The following STXBP4 variants were observed in gnomAD, a reference collection of about 807,000 sequenced individuals.
STXBP4 encodes syntaxin-binding protein 4.
Under a neutral mutation model 76.1 loss-of-function variants are expected in STXBP4, and 55 were observed. The observed-to-expected ratio is 0.72, with a 90% CI of 0.58 to 0.91. The LOEUF (loss-of-function observed/expected upper bound fraction) is 0.91. Ranked by LOEUF, STXBP4 falls within the 40% of genes least tolerant of loss-of-function variation. The pLI, the probability that STXBP4 is intolerant of heterozygous loss-of-function variation, is 0.00. For synonymous variants in STXBP4, 201 were observed against 220.2 expected, an observed-to-expected ratio of 0.91 and a Z score of 0.77; for missense variants, 618 against 636.9, an observed-to-expected ratio of 0.97 and a Z score of 0.32.
At position 55,010,104 on chromosome 17, in the gene STXBP4, G is replaced by A. The variant is rs574340918; in HGVS notation, c.666+2507G>A. ...CTATAAACATTACACGTGGCAGCTC[G>A]AAAATTGGTGTTTTAATAAAATTTC... On this transcript the variant is annotated intron_variant, in intron 8 of 17. Coordinates refer to ENST00000376352, the MANE Select transcript of STXBP4 (RefSeq NM_178509.6). 1.4e-3 allele frequency among the ~76,000 whole-genome samples: 213 copies of A among 151,942 alleles called. 1 individual carries two copies. The highest frequency in any genetic ancestry group is 4.9e-3 in the African/African-American group (204 of 41,524).
At position 55,031,194 on chromosome 17, in the gene STXBP4, C is replaced by T. The variant is rs775409452; in HGVS notation, c.693C>T (p.Pro231=). 6.2e-7 allele frequency: 1 copy of T among 1,613,050 alleles called. No homozygotes were observed. Among genetic ancestry groups the T allele is most frequent in the African/African-American group, 1.3e-5 (1 of 74,948 alleles). ...CTCTAAATTATCTTGGTATTCAGCC[C>T]ACAAAGGAACAACACCAAGCCCTGA... is the stretch of plus-strand genomic sequence containing the variant. ...EMALNYLGIQ[P]TKEQHQALRQ... is the part of the protein sequence containing the mutation. Residue 231 remains proline, a synonymous_variant, in exon 9 of 18, where the codon CCC becomes CCT. Coordinates refer to ENST00000376352, the MANE Select transcript of STXBP4 (RefSeq NM_178509.6).
At chr17:55,190,959 C>A in the STXBP4 span, among the ~76,000 whole-genome samples, 2 of 152,176 alleles carry the variant, frequency 1.3e-5, no homozygotes, top group African/African-American at 4.8e-5. Context: ...TAAAGTGAAA[C>A]TCACAAGTGA....
At chr17:55,016,581 A>G (rs2078211594) in intron 8 of STXBP4, among the ~76,000 whole-genome samples, 1 of 152,184 alleles carries the variant, frequency 6.6e-6, no homozygotes, top group Non-Finnish European at 1.5e-5. Flanking sequence ...CAATTTTTCT[A>G]ACTCTGCTTC....
the STXBP4 span, among the ~76,000 whole-genome samples, chr17:55,204,833 C>CACACAT: frequency 0.018 from 2,235 of 123,174 alleles, 53 homozygotes; most frequent in African/African-American, 0.059. Context: ...CACACACACA[C>CACACAT]ACACACACAC....
intron 1 of STXBP4, among the ~76,000 whole-genome samples, chr17:54,980,969 A>G (rs1368454658): frequency 6.6e-6 from 1 of 151,766 alleles, no homozygotes; most frequent in Non-Finnish European, 1.5e-5. Context: ...ATTTGTTTTT[A>G]AGCTCATTAG....
intron 8 of STXBP4, among the ~76,000 whole-genome samples, chr17:55,024,973 T>TA (rs560093016): frequency 1.4e-4 from 21 of 149,770 alleles, no homozygotes; most frequent in Admixed American, 4.7e-4. Context: ...CCATCTCTAC[T>TA]AAAAAAAAAT....
intron 16 of STXBP4, among the ~76,000 whole-genome samples, chr17:55,117,514 C>G (rs774784020): frequency 4.0e-5 from 6 of 151,568 alleles, no homozygotes; most frequent in Non-Finnish European, 8.9e-5. Flanking sequence ...TCCCAACACC[C>G]TGACTTTGAC....
chr17:55,102,723 C>A (rs1399800886), intron 16 of STXBP4, among the ~76,000 whole-genome samples: 2 of 152,086 alleles, frequency 1.3e-5, no homozygotes, highest in Non-Finnish European at 2.9e-5. Flanking sequence ...CAATAGTTGA[C>A]CCAATTTACA....
rs547459489 is a variant in STXBP4, at chr17:55,022,921, T to C, written c.667-8247T>C. On this transcript the variant is annotated intron_variant, in intron 8 of 17. Transcript: ENST00000376352. ...TTATTCTGAGTTCAGTAAAAAGCCATTGAGCCATTTTTAATAGGAAAGTGA... is the reference window on the plus strand; with the variant it reads ...TTATTCTGAGTTCAGTAAAAAGCCACTGAGCCATTTTTAATAGGAAAGTGA... Among the ~76,000 whole-genome samples, 5 of 152,296 alleles carry C rather than the reference T, an allele frequency of 3.3e-5. No homozygotes were observed. In the East Asian group the frequency reaches 9.7e-4, roughly 29 times the overall value.
intron 3 of STXBP4, among the ~76,000 whole-genome samples, chr17:54,986,760 A>G (rs997609584): frequency 1.3e-5 from 2 of 152,216 alleles, no homozygotes; most frequent in Non-Finnish European, 2.9e-5. Context: ...GATAATATAT[A>G]GATTAACTCT....
chr17:55,020,447 C>CTGTTTGTT (rs71905117), intron 8 of STXBP4, among the ~76,000 whole-genome samples: 448 of 151,668 alleles, frequency 3.0e-3, no homozygotes, highest in Middle Eastern at 0.014. Context: ...GCTGTCAAAT[C>CTGTTTGTT]TGTTTGTTTG....
At chr17:55,037,993 T>A (rs770930586) in intron 10 of STXBP4, among the ~76,000 whole-genome samples, 5 of 152,096 alleles carry the variant, frequency 3.3e-5, no homozygotes, top group African/African-American at 4.8e-5. Flanking sequence ...TGCCAATCAG[T>A]CTGTAGTTAC....
Position 55,078,147 on chromosome 17 carries a change from C to G in STXBP4, c.1258C>G (p.Arg420Gly). The change falls in exon 14 of 18, where the codon CGA becomes GGA. Residue 420 changes from arginine to glycine, a missense_variant. Arg to Gly is a moderately radical substitution (Grantham distance 125). Transcript: ENST00000376352. ...DCQLRKSEMA[R>G]KTFEASTEKL... ...CCAATTACGAAAATCAGAAATGGCT[C>G]GAAAAACTTTTGAGGCATCCACTGA... The G allele has an allele frequency of 6.8e-6, 11 of 1,611,320 alleles. No homozygotes were observed. Among genetic ancestry groups the G allele is most frequent in the Non-Finnish European group, 9.3e-6 (11 of 1,178,724 alleles).
chr17:54,999,616 T>A lies in STXBP4; in HGVS notation c.288-16T>A. 6.2e-7 allele frequency: 1 copy of A among 1,605,556 alleles called. No individual in the cohort carries two copies. Among genetic ancestry groups the A allele is most frequent in the South Asian group, 1.1e-5 (1 of 90,006 alleles). ...ATTCATAGCATATCCATAAAGTGAT[T>A]TCTTTTTAGTACTAGGTTAGAATCT... On this transcript the variant is annotated splice_polypyrimidine_tract_variant and intron_variant, in intron 5 of 17. Transcript: ENST00000376352.
chr17:55,011,502 C>CTTTCTCT (rs1323375714), intron 8 of STXBP4, among the ~76,000 whole-genome samples: 3 of 34,288 alleles, frequency 8.7e-5, no homozygotes, highest in South Asian at 1.1e-3. Context: ...AGTTTATTTT[C>CTTTCTCT]TTTTTCTTTT....
intron 10 of STXBP4, among the ~76,000 whole-genome samples, chr17:55,042,353 G>A (rs1019066109): frequency 2.6e-5 from 4 of 152,018 alleles, no homozygotes; most frequent in African/African-American, 7.2e-5. Context: ...AATATATACA[G>A]TCTTTAGCAA....
At chr17:55,062,910 A>T (rs887892874) in intron 12 of STXBP4, among the ~76,000 whole-genome samples, 13 of 152,242 alleles carry the variant, frequency 8.5e-5, no homozygotes, top group Admixed American at 3.9e-4. Context: ...AAAGATTTTT[A>T]AAAATCTCTT....
chr17:54,972,327 A>G (rs1007642034), intron 1 of STXBP4, among the ~76,000 whole-genome samples: 17 of 152,198 alleles, frequency 1.1e-4, no homozygotes, highest in African/African-American at 4.1e-4. Flanking sequence ...TTCTTGTTTG[A>G]ATCTGTTATC....
In STXBP4 at chr17:54,981,033, A is replaced by G. The variant is rs190967149; in HGVS notation, c.-156-4581A>G. Among the ~76,000 whole-genome samples the G allele has an allele frequency of 1.1e-3, 166 of 152,190 alleles. 1 individual carries two copies. Among genetic ancestry groups the G allele is most frequent in the African/African-American group, 3.8e-3 (156 of 41,476 alleles). On this transcript the variant is annotated intron_variant, in intron 1 of 17. Transcript: ENST00000376352. ...GTGGCCTAAGACAATTCTTCCTCCA[A>G]TGTGACCTGGGGAAGCCAAAAGATT...
Sources: gnomAD v4.1 joint callset for allele counts (sites outside exome capture counted in the v4.1 genomes callset) on GRCh38, gnomAD v4.1.1 for gene constraint, MANE v1.5 for transcripts, NCBI Gene and HGNC (gene_info 2026-07-23, HGNC 2026-07-21) for gene names.